The following ANLN variants were observed in gnomAD, a reference collection of about 807,000 sequenced individuals.
ANLN encodes anillin, actin binding protein, also known as anillin.
ANLN carries 59 observed loss-of-function variants against 135.1 expected under a neutral mutation model. The ratio of observed to expected loss-of-function variants is 0.44; its 90% CI spans 0.35 to 0.54. ANLN has a LOEUF of 0.54. Among genes scored for constraint, ANLN ranks in the 20% least tolerant of loss-of-function variants. The pLI is 0.00. For synonymous variants in ANLN, 406 were observed against 456.4 expected (o/e 0.89, Z 1.41); for missense variants, 1,182 against 1,340.0 (o/e 0.88, Z 1.84).
intron 21 of ANLN, among the ~76,000 whole-genome samples, chr7:36,442,790 C>G (rs1788828338): frequency 6.6e-6 from 1 of 151,968 alleles, no homozygotes; most frequent in African/African-American, 2.4e-5. Context: ...CACCGCCACG[C>G]CTGGCTAATT....
intron 22 of ANLN, among the ~76,000 whole-genome samples, chr7:36,447,041 C>G (rs1272761265): frequency 6.6e-6 from 1 of 152,168 alleles, no homozygotes; most frequent in Admixed American, 6.5e-5. Context: ...AGTACCAGAC[C>G]CACTTGCCAT....
At chr7:36,421,113 G>C (rs980380189) in intron 12 of ANLN, among the ~76,000 whole-genome samples, 6 of 151,680 alleles carry the variant, frequency 4.0e-5, no homozygotes, top group Non-Finnish European at 8.8e-5. Flanking sequence ...TGTTGCCCAA[G>C]TTAGATTGTA....
chr7:36,422,496 A>C (rs1787917681), intron 13 of ANLN, 137 bp from the exon 14 acceptor site: 1 of 733,104 alleles, frequency 1.4e-6, no homozygotes, highest in South Asian at 2.3e-5. Flanking sequence ...ACCACCTACC[A>C]TGTTTTATAA....
At chr7:36,399,466 A>G (rs1786848430) in intron 3 of ANLN, 73 bp downstream of exon 3, 10 of 1,285,098 alleles carry the variant, frequency 7.8e-6, no homozygotes, top group South Asian at 1.5e-5. Flanking sequence ...TGAACATTTT[A>G]TCAGTTAACT....
chr7:36,428,506 T>C (rs888063494), intron 20 of ANLN: 8 of 327,314 alleles, frequency 2.4e-5, no homozygotes, highest in South Asian at 1.1e-4. Flanking sequence ...CATGAGACTC[T>C]TATAGATGGG....
At chr7:36,423,360 T>A (rs1446447923) in intron 14 of ANLN, among the ~76,000 whole-genome samples, 1 of 152,114 alleles carries the variant, frequency 6.6e-6, no homozygotes, top group African/African-American at 2.4e-5. Context: ...TAATTTAGTA[T>A]GCGTCTGGAG....
chr7:36,403,873 T>C (rs28615384), intron 3 of ANLN, among the ~76,000 whole-genome samples: 46,017 of 151,910 alleles, frequency 0.3, 7,004 homozygotes, highest in East Asian at 0.44. Context: ...GTTGCCCAGG[T>C]TGGTCTTGAA....
At chr7:36,402,723 C>T (rs1787007615) in intron 3 of ANLN, among the ~76,000 whole-genome samples, 1 of 152,106 alleles carries the variant, frequency 6.6e-6, no homozygotes, top group African/African-American at 2.4e-5. Flanking sequence ...ATGTTACTTA[C>T]CTCTGCTTTC....
intron 3 of ANLN, among the ~76,000 whole-genome samples, chr7:36,403,144 TC>T (rs1381193191): frequency 4.6e-5 from 7 of 152,010 alleles, no homozygotes; most frequent in African/African-American, 1.7e-4. Context: ...TATAATATAA[TC>T]TAGGTGCAAA....
At chr7:36,446,565 C>G (rs377739270) in intron 22 of ANLN, among the ~76,000 whole-genome samples, 1 of 151,948 alleles carries the variant, frequency 6.6e-6, no homozygotes, top group Non-Finnish European at 1.5e-5. Context: ...AAAGCAGGAG[C>G]GAGCGAGCGA....
rs373076464 is a variant in ANLN, at chr7:36,422,649, T to G, written c.2316T>G (p.Leu772=). 5 of 1,606,572 alleles carry G rather than the reference T, an allele frequency of 3.1e-6. No homozygotes were observed. In the African/African-American group the frequency reaches 4.0e-5, roughly 13 times the overall value. ...LLLIATGKRT[L]LIDELNKLKN... is the part of the protein sequence containing the mutation. Reference sequence around the variant, plus strand: ...TTTACATAGCTGGGAAGAGAACACTTTTGATTGATGAATTGAATAAATTGA... The same window carrying G: ...TTTACATAGCTGGGAAGAGAACACTGTTGATTGATGAATTGAATAAATTGA... The change falls in exon 14 of 24, where the codon CTT becomes CTG. Residue 772 remains leucine, a synonymous_variant. Coordinates refer to ENST00000265748, the MANE Select transcript of ANLN (RefSeq NM_018685.5).
At chr7:36,428,474 G>A in intron 20 of ANLN, 1 of 481,768 alleles carries the variant, frequency 2.1e-6, no homozygotes, top group South Asian at 2.0e-5. Flanking sequence ...AATAATTAAG[G>A]ACATTATGTA....
At chr7:36,424,061 A>G (rs1346437209) in intron 15 of ANLN, 118 bp downstream of exon 15, 3 of 1,029,302 alleles carry the variant, frequency 2.9e-6, no homozygotes, top group Admixed American at 2.9e-5. Context: ...CATTCTTTTT[A>G]TATTGACAAA....
chr7:36,400,526 A>AT (rs562728040), intron 3 of ANLN, among the ~76,000 whole-genome samples: 4 of 151,772 alleles, frequency 2.6e-5, no homozygotes, highest in East Asian at 3.9e-4. Flanking sequence ...TGCCCAGCTA[A>AT]TTTTTTTTGT....
intron 10 of ANLN, among the ~76,000 whole-genome samples, 156 bp downstream of exon 10, chr7:36,419,635 T>C (rs1787790316): frequency 6.6e-6 from 1 of 152,196 alleles, no homozygotes; most frequent in Non-Finnish European, 1.5e-5. Context: ...CTTAAAACTC[T>C]TGAGTGGTTT....
chr7:36,426,967 T>A lies in ANLN; in HGVS notation c.2822T>A (p.Leu941His). The A allele has an allele frequency of 6.2e-7, 1 of 1,613,664 alleles. No individual in the cohort carries two copies. The highest frequency in any genetic ancestry group is 8.5e-7 in the Non-Finnish European group (1 of 1,179,904). ...GCTGTGCGAACCAGCAACTTCGCCC[T>A]TGTTGGATCTTACACATTATCATTG... ...LSAVRTSNFA[L>H]VGSYTLSLSS... The change falls in exon 20 of 24, where the codon CTT (leucine) becomes CAT (histidine). Residue 941 changes from leucine to histidine, a missense_variant. Transcript: ENST00000265748.
chr7:36,422,637 G>A lies in ANLN; in HGVS notation c.2304G>A (p.Gly768=). ...ATATTGCGTTGTTTTACATAGCTGG[G>A]AAGAGAACACTTTTGATTGATGAAT... ...EAERLLLIAT[G]KRTLLIDELN... is the part of the protein sequence containing the mutation. The change falls in exon 14 of 24, where the codon GGG becomes GGA. Residue 768 remains glycine (G), a synonymous_variant. Transcript: ENST00000265748. The A allele has an allele frequency of 1.2e-6, 2 of 1,600,174 alleles. No homozygotes were observed. Among genetic ancestry groups the A allele is most frequent in the Non-Finnish European group, 1.7e-6 (2 of 1,175,880 alleles).
chr7:36,391,217 G>A (rs1243072188), intron 1 of ANLN, among the ~76,000 whole-genome samples: 1 of 152,020 alleles, frequency 6.6e-6, no homozygotes, highest in Non-Finnish European at 1.5e-5. Context: ...TTTTGTATTA[G>A]CCTTAAAATA....
Position 36,396,158 on chromosome 7 carries a change from G to C in ANLN, c.19-108G>C, listed in dbSNP as rs1396900087. On this transcript the variant is annotated intron_variant, in intron 1 of 23. Coordinates refer to ENST00000265748, the MANE Select transcript of ANLN (RefSeq NM_018685.5). ...TTGCTTAGGATTTCACTTTTGAAATGTGTTTAACTGTCATCCTGTATGGCA... is the reference window on the plus strand; with the variant it reads ...TTGCTTAGGATTTCACTTTTGAAATCTGTTTAACTGTCATCCTGTATGGCA... 4.5e-6 allele frequency: 4 copies of C among 892,116 alleles called. No individual in the cohort carries two copies. The African/African-American group carries it at 5.1e-5, about 11-fold the overall frequency. The allele number at this position is 892,116 out of a possible 1,614,324, so 55.3% of individuals were successfully genotyped here.
Sources: allele counts gnomAD v4.1 joint callset (sites outside exome capture counted in the v4.1 genomes callset), GRCh38; gene constraint gnomAD v4.1.1; transcripts MANE v1.5; gene names NCBI Gene and HGNC (gene_info 2026-07-23, HGNC 2026-07-21).